The following ACCSL variants were observed in gnomAD, a reference collection of about 807,000 sequenced individuals.
ACCSL encodes 1-aminocyclopropane-1-carboxylate synthase homolog (inactive) like.
In ACCSL, 55 loss-of-function variants were observed where a neutral mutation model predicts 61.7. The observed-to-expected ratio is 0.89, with a 90% CI of 0.72 to 1.12. The LOEUF (loss-of-function observed/expected upper bound fraction) is 1.12. Ranked by LOEUF, ACCSL falls within the 50% of genes most tolerant of loss-of-function variation. The pLI is 0.00. For synonymous variants in ACCSL, 258 were observed against 264.3 expected (o/e 0.98, Z 0.23); for missense variants, 632 against 698.0 (o/e 0.91, Z 1.07).
At chr11:44,030,189 C>G in the ACCSL span, among the ~76,000 whole-genome samples, 1 of 147,962 alleles carries the variant, frequency 6.8e-6, no homozygotes, top group Non-Finnish European at 1.5e-5. Flanking sequence ...GGGCCCTTTT[C>G]TCTCTCCCCA....
chr11:43,997,512 G>C, the ACCSL span, among the ~76,000 whole-genome samples: 3 of 152,166 alleles, frequency 2.0e-5, no homozygotes, highest in South Asian at 6.2e-4. Flanking sequence ...TTTCCATGCT[G>C]TTCTCTCCTC....
chr11:43,956,341 T>A, the ACCSL span, among the ~76,000 whole-genome samples: 104,847 of 151,976 alleles, frequency 0.69, 36,708 homozygotes, highest in Middle Eastern at 0.83. Context: ...GTAAGGAGGC[T>A]GCTTTAGGCT....
chr11:44,058,383 C>G lies in ACCSL; in HGVS notation c.1394C>G (p.Thr465Ser), dbSNP rs1189359442. 1 of 1,614,174 alleles carries G rather than the reference C, an allele frequency of 6.2e-7. No individual in the cohort carries two copies. Among genetic ancestry groups the G allele is most frequent in the Admixed American group, 1.7e-5 (1 of 60,028 alleles). Residue 465 changes from threonine (T) to serine (S), a missense_variant, in exon 12 of 14, where the codon ACT (threonine) becomes AGT (serine). Coordinates refer to ENST00000378832, the MANE Select transcript of ACCSL (RefSeq NM_001031854.2). ...YRLREAHKYI[T>S]AELKALEIPF... Reference sequence around the variant, plus strand: ...CTCCGGGAAGCTCACAAGTACATCACTGCTGAGCTGAAGGCATTGGAGATC... The same window carrying G: ...CTCCGGGAAGCTCACAAGTACATCAGTGCTGAGCTGAAGGCATTGGAGATC...
the ACCSL span, among the ~76,000 whole-genome samples, chr11:43,931,199 CCT>C: frequency 3.9e-5 from 6 of 152,346 alleles, no homozygotes; most frequent in Admixed American, 6.5e-5. Flanking sequence ...CCCCCACGCC[CCT>C]GTCTGAGCAG....
the ACCSL span, chr11:43,942,464 CG>C: frequency 3.8e-5 from 8 of 212,766 alleles, no homozygotes; most frequent in Middle Eastern, 1.6e-3. Context: ...AGCCGGTTGG[CG>C]GGGGGCGGGC....
chr11:43,963,715 C>G, the ACCSL span, among the ~76,000 whole-genome samples: 8 of 152,196 alleles, frequency 5.3e-5, no homozygotes, highest in African/African-American at 1.9e-4. Context: ...ATCCCCCATG[C>G]GAAGTGAATT....
chr11:44,014,382 G>A, the ACCSL span, among the ~76,000 whole-genome samples: 51 of 152,218 alleles, frequency 3.4e-4, no homozygotes, highest in Admixed American at 3.3e-3. Flanking sequence ...CTGTCAGCCA[G>A]AGACCTCAGT....
At chr11:44,048,690 T>A (rs974985045) in intron 1 of ACCSL, 150 bp downstream of exon 1, 4 of 843,534 alleles carry the variant, frequency 4.7e-6, no homozygotes, top group Non-Finnish European at 7.2e-6. Context: ...AGGGAATAAT[T>A]ACAGAAATAA....
chr11:44,025,201 G>A, the ACCSL span, among the ~76,000 whole-genome samples: 3 of 151,928 alleles, frequency 2.0e-5, no homozygotes, highest in Non-Finnish European at 4.4e-5. Context: ...TTGCCATTTT[G>A]TTATTTGTTT....
At chr11:44,000,393 G>T in the ACCSL span, among the ~76,000 whole-genome samples, 971 of 151,816 alleles carry the variant, frequency 6.4e-3, 8 homozygotes, top group Non-Finnish European at 8.7e-3. Flanking sequence ...CAAAGTGCTG[G>T]GATTACAGGC....
At chr11:44,037,423 G>C in the ACCSL span, among the ~76,000 whole-genome samples, 1 of 152,236 alleles carries the variant, frequency 6.6e-6, no homozygotes, top group Non-Finnish European at 1.5e-5. Flanking sequence ...CTGAGGTCAC[G>C]CACGCGCGGA....
the ACCSL span, chr11:43,944,130 G>A: frequency 3.0e-6 from 1 of 329,514 alleles, no homozygotes; most frequent in Non-Finnish European, 5.9e-6. Flanking sequence ...GCCGGCATCC[G>A]GGCTGAAGTG....
chr11:44,000,597 T>C, the ACCSL span, among the ~76,000 whole-genome samples: 39 of 139,934 alleles, frequency 2.8e-4, no homozygotes, highest in African/African-American at 9.6e-4. Context: ...TGGGAGGATG[T>C]GCATAGTGAA....
At chr11:43,999,395 A>G in the ACCSL span, among the ~76,000 whole-genome samples, 130,967 of 152,168 alleles carry the variant, frequency 0.86, 56,496 homozygotes, top group African/African-American at 0.92. Flanking sequence ...TGCAGCCAAC[A>G]TGTCAGCTGG....
chr11:43,926,033 C>G, the ACCSL span, among the ~76,000 whole-genome samples: 1 of 152,124 alleles, frequency 6.6e-6, no homozygotes, highest in African/African-American at 2.4e-5. Context: ...TGGCAGGCTC[C>G]CCTGGTGCCC....
chr11:43,932,835 AC>A, the ACCSL span, among the ~76,000 whole-genome samples: 1 of 152,108 alleles, frequency 6.6e-6, no homozygotes, highest in Non-Finnish European at 1.5e-5. Context: ...GCTTCCCAGA[AC>A]TCGGAAGCGG....
chr11:44,018,478 T>G, the ACCSL span, among the ~76,000 whole-genome samples: 10 of 152,198 alleles, frequency 6.6e-5, no homozygotes, highest in Admixed American at 2.6e-4. Context: ...CCTGCAGACT[T>G]GGACACAGCC....
intron 1 of ACCSL, 120 bp from the exon 2 acceptor site, chr11:44,049,942 T>C (rs1952625527): frequency 1.4e-6 from 2 of 1,383,022 alleles, no homozygotes; most frequent in Non-Finnish European, 1.0e-6. Flanking sequence ...TGTAAAGTTG[T>C]CAAATTTGGA....
the ACCSL span, among the ~76,000 whole-genome samples, chr11:43,993,458 G>A: frequency 1.4e-4 from 21 of 152,126 alleles, no homozygotes; most frequent in Admixed American, 5.2e-4. Flanking sequence ...CTGGCCGCTC[G>A]GATGGTTGCA....
Sources: allele counts gnomAD v4.1 joint callset (sites outside exome capture counted in the v4.1 genomes callset), GRCh38; gene constraint gnomAD v4.1.1; transcripts MANE v1.5; gene names NCBI Gene and HGNC (gene_info 2026-07-23, HGNC 2026-07-21).